MROH2B: variants seen among roughly 807,000 people sequenced by gnomAD.
The protein encoded by MROH2B is maestro heat-like repeat-containing protein family member 2B.
A neutral mutation model predicts 208.6 loss-of-function variants in MROH2B; 177 were observed. The observed-to-expected ratio is 0.85, with a 90% CI of 0.75 to 0.96. The LOEUF is 0.96. Ranked by LOEUF, MROH2B falls within the 40% of genes least tolerant of loss-of-function variation. MROH2B has a pLI of 0.00. For synonymous variants in MROH2B, 728 were observed against 659.0 expected (o/e 1.10, Z -1.60); for missense variants, 2,002 against 1,878.7 (o/e 1.07, Z -1.21).
At chr5:41,009,200 A>G (rs1741695728) in intron 32 of MROH2B, 80 bp downstream of exon 32, 4 of 1,559,106 alleles carry the variant, frequency 2.6e-6, no homozygotes, top group Non-Finnish European at 3.5e-6. Context: ...TTAATGTGAC[A>G]GCACCAAGCT....
chr5:41,033,045 A>G lies in MROH2B; in HGVS notation c.2357T>C (p.Met786Thr). 1.2e-6 allele frequency: 2 copies of G among 1,612,974 alleles called. No homozygotes were observed. Among genetic ancestry groups the G allele is most frequent in the Non-Finnish European group, 1.7e-6 (2 of 1,179,232 alleles). ...ATTCCCTCTCTGCACACTCACCAGCATGTAACCAATCAGCATCTCCTTGTA... is the reference window on the plus strand; with the variant it reads ...ATTCCCTCTCTGCACACTCACCAGCGTGTAACCAATCAGCATCTCCTTGTA... ...FSYKEMLIGY[M>T]LDFIRDEPLD... Residue 786 changes from methionine (M) to threonine (T), a missense_variant, in exon 23 of 42, where the codon ATG becomes ACG. Transcript: ENST00000399564.
intron 14 of MROH2B, 37 bp from the exon 15 acceptor site, chr5:41,049,178 G>C: frequency 6.2e-7 from 1 of 1,604,346 alleles, no homozygotes; most frequent in Non-Finnish European, 8.5e-7. Flanking sequence ...TCACTGCAGG[G>C]GTTAGAGATT....
At chr5:41,038,119 T>C (rs1476911136) in intron 21 of MROH2B, among the ~76,000 whole-genome samples, 2 of 152,164 alleles carry the variant, frequency 1.3e-5, no homozygotes, top group Non-Finnish European at 2.9e-5. Context: ...AATAGCTTGA[T>C]GAATGACATA....
At chr5:41,039,823 A>G in intron 19 of MROH2B, among the ~76,000 whole-genome samples, 1 of 152,166 alleles carries the variant, frequency 6.6e-6, no homozygotes, top group East Asian at 1.9e-4. Context: ...GAAGATAAGT[A>G]AAGCAGGAGT....
intron 35 of MROH2B, chr5:41,005,128 C>G: frequency 3.3e-6 from 2 of 603,252 alleles, no homozygotes; most frequent in Non-Finnish European, 2.8e-6. Context: ...GTGATGTAAA[C>G]CCGGTTACCT....
At chr5:41,064,888 G>T (rs1743754329) in intron 4 of MROH2B, among the ~76,000 whole-genome samples, 2 of 152,110 alleles carry the variant, frequency 1.3e-5, no homozygotes, top group Admixed American at 1.3e-4. Flanking sequence ...TGCTTAGTTG[G>T]ATAATTAATT....
intron 24 of MROH2B, among the ~76,000 whole-genome samples, chr5:41,026,055 T>C (rs913352114): frequency 6.2e-5 from 9 of 145,942 alleles, no homozygotes; most frequent in Non-Finnish European, 1.2e-4. Flanking sequence ...TAAGAGCTAT[T>C]TATGACAAAC....
At chr5:41,011,722 C>T (rs764816693) in intron 30 of MROH2B, among the ~76,000 whole-genome samples, 4 of 151,116 alleles carry the variant, frequency 2.6e-5, no homozygotes, top group Non-Finnish European at 4.4e-5. Context: ...GGCTGGAGTG[C>T]AGTTGCACAA....
intron 29 of MROH2B, among the ~76,000 whole-genome samples, chr5:41,014,516 A>G (rs577752805): frequency 9.9e-4 from 151 of 152,274 alleles, no homozygotes; most frequent in African/African-American, 3.5e-3. Flanking sequence ...CAGCACACCA[A>G]CATGGCACAT....
intron 24 of MROH2B, among the ~76,000 whole-genome samples, chr5:41,030,795 C>T (rs990346618): frequency 1.3e-5 from 2 of 151,938 alleles, no homozygotes; most frequent in African/African-American, 2.4e-5. Context: ...GAATAGAGAA[C>T]CCAAAAATAT....
intron 27 of MROH2B, 48 bp from the exon 28 acceptor site, chr5:41,018,018 A>G (rs1220985543): frequency 6.5e-7 from 1 of 1,547,360 alleles, no homozygotes; most frequent in Non-Finnish European, 8.7e-7. Context: ...GCTTGGTCAT[A>G]TCCCAGGATG....
chr5:41,061,550 G>T lies in MROH2B; in HGVS notation c.615+20C>A. On this transcript the variant is annotated intron_variant, in intron 6 of 41. Coordinates refer to ENST00000399564, the MANE Select transcript of MROH2B (RefSeq NM_173489.5). ...AGCATATAGGGACATCCAGCTTGAG[G>T]CATCCTGAGGCCCACTCACCTGCAT... The T allele has an allele frequency of 6.3e-7, 1 of 1,587,232 alleles. No homozygotes were observed. Among genetic ancestry groups the T allele is most frequent in the Non-Finnish European group, 8.6e-7 (1 of 1,167,170 alleles).
At chr5:41,032,994 G>A (rs768120185) in intron 23 of MROH2B, 47 bp downstream of exon 23, 1 of 1,609,322 alleles carries the variant, frequency 6.2e-7, no homozygotes, top group Non-Finnish European at 8.5e-7. Flanking sequence ...TGAACTCTTG[G>A]TAATGGAATA....
intron 37 of MROH2B, among the ~76,000 whole-genome samples, chr5:41,001,671 C>T (rs1449905876): frequency 1.3e-5 from 2 of 151,562 alleles, no homozygotes; most frequent in African/African-American, 2.4e-5. Context: ...GAGCCAAGAT[C>T]GTGCCACTGC....
rs1020203513 is a variant in MROH2B at position 41,033,021 on chromosome 5, T to C, written c.2361+20A>G. 55 of 1,612,324 alleles carry C rather than the reference T, an allele frequency of 3.4e-5. No individual in the cohort carries two copies. The highest frequency in any genetic ancestry group is 4.6e-5 in the Non-Finnish European group (54 of 1,179,000). The stretch of plus-strand genomic sequence containing the variant: ...AATGGAATACTCAGGGCCTTTCTTA[T>C]TCCCTCTCTGCACACTCACCAGCAT... On this transcript the variant is annotated intron_variant, in intron 23 of 41. Coordinates refer to ENST00000399564, the MANE Select transcript of MROH2B (RefSeq NM_173489.5).
intron 28 of MROH2B, among the ~76,000 whole-genome samples, chr5:41,017,627 C>A (rs1021414086): frequency 2.0e-5 from 3 of 150,132 alleles, no homozygotes; most frequent in African/African-American, 7.4e-5. Flanking sequence ...GGTATTAAAA[C>A]AGAAATTGCT....
At chr5:41,000,551 GA>G in intron 38 of MROH2B, 126 bp downstream of exon 38, 1 of 1,352,660 alleles carries the variant, frequency 7.4e-7, no homozygotes, top group Non-Finnish European at 9.9e-7. Flanking sequence ...AATTGGAGAA[GA>G]GGTTTTCAGG....
chr5:41,032,709 C>G, intron 24 of MROH2B, 33 bp downstream of exon 24: 1 of 1,575,588 alleles, frequency 6.3e-7, no homozygotes, highest in Non-Finnish European at 8.7e-7. Context: ...GGGGAAAATA[C>G]TTTTTCAATG....
intron 34 of MROH2B, 50 bp downstream of exon 34, chr5:41,007,264 T>G: frequency 7.3e-7 from 1 of 1,374,588 alleles, no homozygotes; most frequent in Middle Eastern, 1.9e-4. Context: ...GTTTGTTTGT[T>G]TGTTTTTGTT....
Sources: allele counts gnomAD v4.1 joint callset (sites outside exome capture counted in the v4.1 genomes callset), GRCh38; gene constraint gnomAD v4.1.1; transcripts MANE v1.5; gene names NCBI Gene and HGNC (gene_info 2026-07-23, HGNC 2026-07-21).